Variants in ATP5ME observed in about 807,000 individuals in gnomAD.
ATP5ME encodes ATP synthase F(0) complex subunit e, mitochondrial.
ATP5ME carries 10 observed loss-of-function variants against 11.6 expected under a neutral mutation model. The observed-to-expected ratio is 0.86, with a 90% CI of 0.53 to 1.46. ATP5ME has a LOEUF of 1.46. Ranked by LOEUF, ATP5ME falls within the 40% of genes most tolerant of loss-of-function variation. The probability of loss-of-function intolerance (pLI) is 0.00; values close to 1 mark genes in which losing one functional copy is unlikely to be tolerated. For synonymous variants in ATP5ME, 45 were observed against 33.5 expected (o/e 1.34, Z -1.19); for missense variants, 115 against 85.4 (o/e 1.35, Z -1.37).
chr4:673,244 T>C (rs1738607303), intron 3 of ATP5ME, 59 bp downstream of exon 3: 1 of 1,612,916 alleles, frequency 6.2e-7, no homozygotes, highest in Non-Finnish European at 8.5e-7. Context: ...CTCCTCCATT[T>C]TCCTTATCCC....
In ATP5ME at chr4:673,285, A is replaced by C. The variant is rs1738609857; in HGVS notation, c.190+18T>G. 6.2e-7 allele frequency: 1 copy of C among 1,614,042 alleles called. No homozygotes were observed. The highest frequency in any genetic ancestry group is 1.1e-5 in the South Asian group (1 of 91,094). ...AAACCTGGGAGGGACAATCTATAAG[A>C]GCCAGTGTCACTCGTACCTTCTGCC... On this transcript the variant is annotated intron_variant, in intron 3 of 3. Coordinates refer to ENST00000304312, the MANE Select transcript of ATP5ME (RefSeq NM_007100.4).
chr4:673,754 C>G (rs1738641869), intron 2 of ATP5ME, 158 bp downstream of exon 2: 7 of 1,119,990 alleles, frequency 6.3e-6, no homozygotes, highest in South Asian at 2.7e-5. Flanking sequence ...TTTGGGTGAG[C>G]TGATTCCACT....
intron 3 of ATP5ME, 66 bp from the exon 4 acceptor site, chr4:672,585 G>C: frequency 2.7e-6 from 4 of 1,455,756 alleles, no homozygotes; most frequent in Non-Finnish European, 3.8e-6. Flanking sequence ...GACCACTTCA[G>C]CTTCCCAGTT....
chr4:673,773 C>G (rs959026596), intron 2 of ATP5ME, 139 bp downstream of exon 2: 1 of 1,242,304 alleles, frequency 8.0e-7, no homozygotes. Flanking sequence ...CTATCGGGGT[C>G]ACGCTCGGTG....
In ATP5ME at chr4:673,068, G is replaced by A. The variant is rs551735926; in HGVS notation, c.190+235C>T. On this transcript the variant is annotated intron_variant, in intron 3 of 3. Coordinates refer to ENST00000304312, the MANE Select transcript of ATP5ME (RefSeq NM_007100.4). The stretch of plus-strand genomic sequence containing the variant: ...GGGCCATGCCCGGCTAATTTTTGTA[G>A]AGACAGGGTTGCACCATGTTGGTCA... Among the ~76,000 whole-genome samples the A allele has an allele frequency of 3.9e-5, 6 of 152,342 alleles. 1 individual carries two copies. In the South Asian group the frequency reaches 1.2e-3, roughly 32 times the overall value.
At position 673,387 on chromosome 4, in the gene ATP5ME, GAGGTTTT is replaced by G. The variant is rs757168270; in HGVS notation, c.99_105del (p.Lys34GlyfsTer8). The stretch of plus-strand genomic sequence containing the variant: ...GCTATCCTCCTCTCCTCTTCTGCCC[GAGGTTTT>G]AGGTAATCTGTTTGGCGGAATGCAG... On this transcript the variant is annotated frameshift_variant, in exon 3 of 4. Coordinates refer to ENST00000304312, the MANE Select transcript of ATP5ME (RefSeq NM_007100.4). LOFTEE classifies it high-confidence loss of function. 2.5e-6 allele frequency: 4 copies of G among 1,614,128 alleles called. No individual in the cohort carries two copies. The highest frequency in any genetic ancestry group is 3.4e-6 in the Non-Finnish European group (4 of 1,180,012).
Position 673,963 on chromosome 4 carries a change from C to G in ATP5ME, c.40G>C (p.Gly14Arg). ...PVQVSPLIKL[G>R]RYSALFLGVA... is the part of the protein sequence containing the mutation. ...CCGAGGAACAGGGCGGAGTAGCGGC[C>G]GAGCTGCGAAAGAGGTTGGTCAGAG... The change falls in exon 2 of 4, where the codon GGC becomes CGC. Residue 14 changes from glycine (G) to arginine (R), a missense_variant. Physicochemically the swap from Gly to Arg is moderately radical, Grantham distance 125. Coordinates refer to ENST00000304312, the MANE Select transcript of ATP5ME (RefSeq NM_007100.4). The G allele has an allele frequency of 6.5e-7, 1 of 1,545,008 alleles. No individual in the cohort carries two copies. Among genetic ancestry groups the G allele is most frequent in the South Asian group, 1.2e-5 (1 of 84,032 alleles).
At position 673,263 on chromosome 4, in the gene ATP5ME, C is replaced by A. The variant is rs775275554; in HGVS notation, c.190+40G>T. ...TCCATTTTCCTTATCCCTGCACAAACCTGGGAGGGACAATCTATAAGAGCC... is the reference window on the plus strand; with the variant it reads ...TCCATTTTCCTTATCCCTGCACAAAACTGGGAGGGACAATCTATAAGAGCC... On this transcript the variant is annotated intron_variant, in intron 3 of 3. Coordinates refer to ENST00000304312, the MANE Select transcript of ATP5ME (RefSeq NM_007100.4). 7 of 1,614,024 alleles carry A rather than the reference C, an allele frequency of 4.3e-6. No individual in the cohort carries two copies. The South Asian group carries it at 4.4e-5, about 10-fold the overall frequency.
Position 674,238 on chromosome 4 carries a change from G to C in ATP5ME, c.10C>G (p.Pro4Ala). Residue 4 changes from proline (P) to alanine (A), a missense_variant, in exon 1 of 4, where the codon CCG becomes GCG. Transcript: ENST00000304312. MVP[P>A]VQVSPLIKLG... The stretch of plus-strand genomic sequence containing the variant: ...TTGATGAGCGGAGAGACCTGCACCG[G>C]TGGCACCATCTTGTCCCTGACCTCC... 1.9e-6 allele frequency: 3 copies of C among 1,611,950 alleles called. No individual in the cohort carries two copies. The highest frequency in any genetic ancestry group is 2.5e-6 in the Non-Finnish European group (3 of 1,179,346).
intron 3 of ATP5ME, 77 bp from the exon 4 acceptor site, chr4:672,596 ATTTTTTTTT>A (rs367766081): frequency 1.4e-5 from 16 of 1,132,220 alleles, no homozygotes; most frequent in East Asian, 8.2e-5. Flanking sequence ...CTTCCCAGTT[ATTTTTTTTT>A]TTTTTTTTTT....
intron 3 of ATP5ME, among the ~76,000 whole-genome samples, 192 bp from the exon 4 acceptor site, chr4:672,711 C>G (rs1738582215): frequency 6.6e-6 from 1 of 151,928 alleles, no homozygotes; most frequent in African/African-American, 2.4e-5. Flanking sequence ...CCCACCTCAG[C>G]CTTCTGAGTA....
At chr4:673,257 C>A in intron 3 of ATP5ME, 46 bp downstream of exon 3, 1 of 1,613,812 alleles carries the variant, frequency 6.2e-7, no homozygotes, top group Non-Finnish European at 8.5e-7. Context: ...CTTATCCCTG[C>A]ACAAACCTGG....
intron 2 of ATP5ME, chr4:673,675 A>C: frequency 1.3e-6 from 1 of 765,490 alleles, no homozygotes; most frequent in East Asian, 2.7e-5. Flanking sequence ...TCGAACAGCC[A>C]TTTAGCACCC....
rs550969627 is a variant in ATP5ME at position 672,603 on chromosome 4, T to A, written c.191-84A>T. On this transcript the variant is annotated intron_variant, in intron 3 of 3. Coordinates refer to ENST00000304312, the MANE Select transcript of ATP5ME (RefSeq NM_007100.4). ...CACTTCAGCTTCCCAGTTATTTTTTTTTTTTTTTTTTTTGTTTTGAGACGG... is the reference window on the plus strand; with the variant it reads ...CACTTCAGCTTCCCAGTTATTTTTTATTTTTTTTTTTTTGTTTTGAGACGG... 8.0e-4 allele frequency: 1,126 copies of A among 1,407,416 alleles called. 6 individuals are homozygous for A. In the African/African-American group the frequency reaches 0.014, roughly 17 times the overall value. 87.2% of individuals were successfully genotyped at this position (1,407,416 alleles called of 1,614,324 possible). A position where few individuals can be genotyped will look rare whatever the true frequency, so the allele number is the denominator to read the frequency against.
intron 3 of ATP5ME, among the ~76,000 whole-genome samples, chr4:672,948 A>G (rs1738595101): frequency 6.6e-6 from 1 of 152,234 alleles, no homozygotes; most frequent in South Asian, 2.1e-4. Context: ...GGGTTTCACC[A>G]TCTTGCCCAG....
chr4:673,242 T>G (rs139451905), intron 3 of ATP5ME, 61 bp downstream of exon 3: 1 of 1,611,980 alleles, frequency 6.2e-7, no homozygotes, highest in Non-Finnish European at 8.5e-7. Flanking sequence ...TCCTCCTCCA[T>G]TTTCCTTATC....
intron 2 of ATP5ME, 134 bp from the exon 3 acceptor site, chr4:673,535 G>T (rs1016433462): frequency 6.2e-6 from 9 of 1,462,068 alleles, no homozygotes; most frequent in Admixed American, 2.0e-5. Context: ...ATGTTAATGC[G>T]AGTCAACGCC....
intron 3 of ATP5ME, among the ~76,000 whole-genome samples, chr4:672,834 G>A (rs758447849): frequency 1.3e-5 from 2 of 152,166 alleles, no homozygotes; most frequent in African/African-American, 2.4e-5. Flanking sequence ...TGCAACCTCC[G>A]CCTCCCGGGT....
Position 674,260 on chromosome 4 carries a change from C to A in ATP5ME, c.-13G>T. The A allele has an allele frequency of 6.2e-7, 1 of 1,611,456 alleles. No homozygotes were observed. The highest frequency in any genetic ancestry group is 1.1e-5 in the South Asian group (1 of 90,930). ...CCGGTGGCACCATCTTGTCCCTGACCTCCGCACCGGAAGCACAACCTGCAG... is the reference window on the plus strand; with the variant it reads ...CCGGTGGCACCATCTTGTCCCTGACATCCGCACCGGAAGCACAACCTGCAG... On this transcript the variant is annotated 5_prime_UTR_variant, in exon 1 of 4. The change creates a new upstream start codon in the 5' untranslated region. Transcript: ENST00000304312.
Sources: allele counts gnomAD v4.1 joint callset (sites outside exome capture counted in the v4.1 genomes callset), GRCh38; gene constraint gnomAD v4.1.1; transcripts MANE v1.5; gene names NCBI Gene and HGNC (gene_info 2026-07-23, HGNC 2026-07-21).